DNAH7: variants seen among roughly 807,000 people sequenced by gnomAD.
DNAH7 encodes dynein axonemal heavy chain 7.
In DNAH7, 397 loss-of-function variants were observed where a neutral mutation model predicts 444.6. The observed-to-expected ratio is 0.89, with a 90% CI of 0.82 to 0.97. The LOEUF is 0.97. Ranked by LOEUF, DNAH7 falls within the 50% of genes least tolerant of loss-of-function variation. The pLI is 0.00. For missense variants in DNAH7, 4,902 were observed against 4,800.8 expected (o/e 1.02, Z -0.62); for synonymous variants, 1,636 against 1,624.4 (o/e 1.01, Z -0.17).
At chr2:195,952,071 G>A (rs1559264352) in intron 19 of DNAH7, among the ~76,000 whole-genome samples, 2 of 152,202 alleles carry the variant, frequency 1.3e-5, no homozygotes, top group South Asian at 2.1e-4. Context: ...GCTGATGCTA[G>A]TTGTTTCTTT....
At chr2:195,993,094 A>G (rs1261541814) in intron 12 of DNAH7, among the ~76,000 whole-genome samples, 2 of 152,152 alleles carry the variant, frequency 1.3e-5, no homozygotes, top group Non-Finnish European at 2.9e-5. Context: ...TTTCCCAGTA[A>G]CAGAGGTGTG....
Position 195,764,039 on chromosome 2 carries a change from G to A in DNAH7, c.11433+7621C>T, listed in dbSNP as rs79409608. Among the ~76,000 whole-genome samples, 1,085 of 151,948 alleles carry A rather than the reference G, an allele frequency of 7.1e-3. 12 individuals carry two copies. Among genetic ancestry groups the A allele is most frequent in the African/African-American group, 0.025 (1,048 of 41,472 alleles). Reference sequence around the variant, plus strand: ...CTGAATTCAACAATACATTCATCATGATCAAGTGGGATTTATCCCAAGAAT... The same window carrying A: ...CTGAATTCAACAATACATTCATCATAATCAAGTGGGATTTATCCCAAGAAT... On this transcript the variant is annotated intron_variant, in intron 61 of 64. Coordinates refer to ENST00000312428, the MANE Select transcript of DNAH7 (RefSeq NM_018897.3).
intron 27 of DNAH7, chr2:195,901,643 G>C (rs558675878): frequency 6.6e-6 from 1 of 152,184 alleles, no homozygotes; most frequent in East Asian, 1.9e-4. Flanking sequence ...AGGCTCTACA[G>C]GGATCTACTT....
At chr2:195,835,913 A>C (rs1698348060) in intron 47 of DNAH7, among the ~76,000 whole-genome samples, 1 of 152,214 alleles carries the variant, frequency 6.6e-6, no homozygotes, top group African/African-American at 2.4e-5. Flanking sequence ...CTTATCCTCC[A>C]ATGTGAGCAT....
intron 12 of DNAH7, among the ~76,000 whole-genome samples, chr2:195,988,952 G>A (rs1260122722): frequency 6.6e-6 from 1 of 152,014 alleles, no homozygotes; most frequent in Non-Finnish European, 1.5e-5. Context: ...GTCTTTCTGT[G>A]TGGCTTATTT....
At chr2:196,012,425 A>G (rs777797539) in intron 10 of DNAH7, among the ~76,000 whole-genome samples, 1 of 152,144 alleles carries the variant, frequency 6.6e-6, no homozygotes, top group Non-Finnish European at 1.5e-5. Flanking sequence ...CCATCCAAAA[A>G]CAAAATGAAG....
intron 35 of DNAH7, 133 bp from the exon 36 acceptor site, chr2:195,882,125 C>T (rs1256834032): frequency 9.0e-6 from 6 of 667,814 alleles, no homozygotes; most frequent in African/African-American, 1.8e-5. Context: ...CTTTAAGACA[C>T]TTTACACTCA....
At position 195,996,194 on chromosome 2, in the gene DNAH7, C is replaced by T. The variant is rs997678467; in HGVS notation, c.1353+4510G>A. Among the ~76,000 whole-genome samples, 4 of 152,288 alleles carry T rather than the reference C, an allele frequency of 2.6e-5. No individual in the cohort carries two copies. The South Asian group carries it at 6.2e-4, about 24-fold the overall frequency. On this transcript the variant is annotated intron_variant, in intron 12 of 64. Transcript: ENST00000312428. ...GAAATCTATCTAGATCAAAGAAAGA[C>T]TACTTATTCACTGACCTTTGATCTT...
intron 58 of DNAH7, among the ~76,000 whole-genome samples, chr2:195,779,655 C>T (rs538259491): frequency 5.4e-4 from 82 of 152,086 alleles, no homozygotes; most frequent in Admixed American, 8.5e-4. Context: ...GTCACCCAGG[C>T]TGGAGTACAG....
At chr2:195,786,764 G>T (rs1695644448) in intron 58 of DNAH7, among the ~76,000 whole-genome samples, 1 of 151,956 alleles carries the variant, frequency 6.6e-6, no homozygotes, top group Non-Finnish European at 1.5e-5. Context: ...ATCTCCCTAA[G>T]TGTTTGTGTG....
intron 3 of DNAH7, among the ~76,000 whole-genome samples, chr2:196,050,044 T>C (rs1697370387): frequency 6.6e-6 from 1 of 152,238 alleles, no homozygotes; most frequent in South Asian, 2.1e-4. Flanking sequence ...AAATGTTCAA[T>C]ATAATTAATC....
intron 57 of DNAH7, among the ~76,000 whole-genome samples, chr2:195,790,731 A>G (rs1015088376): frequency 6.6e-6 from 1 of 152,208 alleles, no homozygotes; most frequent in African/African-American, 2.4e-5. Context: ...CTCAAACTAT[A>G]AAAATCCTAG....
chr2:196,052,956 T>C (rs1575109864), intron 2 of DNAH7, among the ~76,000 whole-genome samples: 1 of 152,224 alleles, frequency 6.6e-6, no homozygotes, highest in African/African-American at 2.4e-5. Flanking sequence ...GACTAAGTCA[T>C]AGGACTACAG....
intron 58 of DNAH7, among the ~76,000 whole-genome samples, chr2:195,781,084 AAAAC>A: frequency 6.6e-6 from 1 of 152,166 alleles, no homozygotes; most frequent in African/African-American, 2.4e-5. Flanking sequence ...TGTGAAAAAA[AAAAC>A]AAATCAAATC....
intron 36 of DNAH7, among the ~76,000 whole-genome samples, chr2:195,878,291 A>G (rs1331410606): frequency 6.6e-6 from 1 of 152,166 alleles, no homozygotes; most frequent in African/African-American, 2.4e-5. Context: ...TGTTGGATTG[A>G]TGCATGAACT....
chr2:195,786,420 A>C (rs1175956780), intron 58 of DNAH7, among the ~76,000 whole-genome samples: 1 of 152,202 alleles, frequency 6.6e-6, no homozygotes, highest in East Asian at 1.9e-4. Flanking sequence ...CCATTGATAA[A>C]TAGCAAAGAG....
At chr2:195,953,147 C>T (rs368885796) in intron 19 of DNAH7, among the ~76,000 whole-genome samples, 2 of 152,098 alleles carry the variant, frequency 1.3e-5, no homozygotes, top group African/African-American at 2.4e-5. Context: ...GATGTTGATG[C>T]TAATCCTTTC....
Position 195,844,953 on chromosome 2 carries a change from TCTA to T in DNAH7, c.8945+46_8945+48del. The T allele has an allele frequency of 3.3e-6, 5 of 1,538,170 alleles. No homozygotes were observed. In the South Asian group the frequency reaches 6.0e-5, roughly 19 times the overall value. Reference sequence around the variant, plus strand: ...AAATTGTTAAAGGAACACAGATAAATCTACTGTTATTTAATAAAGACCATTTGT... The same window carrying T: ...AAATTGTTAAAGGAACACAGATAAATCTGTTATTTAATAAAGACCATTTGT... On this transcript the variant is annotated intron_variant, in intron 47 of 64. Transcript: ENST00000312428.
intron 10 of DNAH7, among the ~76,000 whole-genome samples, chr2:196,010,869 A>G (rs1207955922): frequency 6.6e-6 from 1 of 152,222 alleles, no homozygotes; most frequent in Non-Finnish European, 1.5e-5. Flanking sequence ...ATGAGCCTGG[A>G]GGACATCGTG....
Sources: gnomAD v4.1 joint callset for allele counts (sites outside exome capture counted in the v4.1 genomes callset) on GRCh38, gnomAD v4.1.1 for gene constraint, MANE v1.5 for transcripts, NCBI Gene and HGNC (gene_info 2026-07-23, HGNC 2026-07-21) for gene names.